Variants in TBC1D19 observed in about 807,000 individuals in gnomAD.
TBC1D19 encodes the protein TBC1 domain family, member 19.
In TBC1D19, 60 loss-of-function variants were observed where a neutral mutation model predicts 89.0. The observed-to-expected ratio is 0.67, with a 90% CI of 0.55 to 0.84. The LOEUF is 0.84. Among genes scored for constraint, TBC1D19 ranks in the 40% least tolerant of loss-of-function variants. The pLI, the probability that TBC1D19 is intolerant of heterozygous loss-of-function variation, is 0.00. For missense variants in TBC1D19, 500 were observed against 610.8 expected (o/e 0.82, Z 1.91); for synonymous variants, 189 against 199.7 (o/e 0.95, Z 0.45).
At chr4:26,819,749 C>T in the TBC1D19 span, among the ~76,000 whole-genome samples, 1 of 152,186 alleles carries the variant, frequency 6.6e-6, no homozygotes, top group Non-Finnish European at 1.5e-5. Context: ...TGAGGCCCTA[C>T]CCAGTATGGC....
intron 15 of TBC1D19, among the ~76,000 whole-genome samples, chr4:26,725,885 G>A (rs1717281125): frequency 6.6e-6 from 1 of 151,984 alleles, no homozygotes; most frequent in Admixed American, 6.6e-5. Flanking sequence ...GAATAAGTGA[G>A]GGAATAAATA....
chr4:26,691,555 C>T (rs186659129), intron 13 of TBC1D19, among the ~76,000 whole-genome samples: 271 of 152,284 alleles, frequency 1.8e-3, no homozygotes, highest in African/African-American at 6.2e-3. Flanking sequence ...AACAAGATTA[C>T]AGCCTGCTGA....
the TBC1D19 span, among the ~76,000 whole-genome samples, chr4:26,765,695 T>C: frequency 2.0e-5 from 3 of 152,102 alleles, no homozygotes; most frequent in African/African-American, 4.8e-5. Context: ...GGAAGCCTGA[T>C]ATGGTCTAAT....
chr4:26,796,299 C>A, the TBC1D19 span, among the ~76,000 whole-genome samples: 1 of 152,120 alleles, frequency 6.6e-6, no homozygotes, highest in Non-Finnish European at 1.5e-5. Flanking sequence ...TATGCTCTTA[C>A]CAGCAATGTG....
the TBC1D19 span, among the ~76,000 whole-genome samples, chr4:26,855,107 C>T: frequency 7.8e-3 from 1,191 of 152,276 alleles, 15 homozygotes; most frequent in African/African-American, 0.027. Flanking sequence ...TCCTTCTGTG[C>T]GTGGCTCATG....
chr4:26,659,854 A>G, intron 8 of TBC1D19, 147 bp downstream of exon 8: 1 of 468,164 alleles, frequency 2.1e-6, no homozygotes, highest in Non-Finnish European at 3.7e-6. Context: ...GCAAATATGT[A>G]TATAGAGAGA....
intron 7 of TBC1D19, among the ~76,000 whole-genome samples, chr4:26,651,923 G>A (rs1334383973): frequency 1.3e-5 from 2 of 152,122 alleles, no homozygotes; most frequent in South Asian, 2.1e-4. Flanking sequence ...TTAGCATGAA[G>A]TGTTGTTGAA....
chr4:26,612,660 A>G (rs916334474), intron 1 of TBC1D19, among the ~76,000 whole-genome samples: 1 of 152,104 alleles, frequency 6.6e-6, no homozygotes, highest in African/African-American at 2.4e-5. Context: ...TTGAAGATAA[A>G]ACACTAATAA....
At chr4:26,702,105 G>A (rs987915774) in intron 13 of TBC1D19, among the ~76,000 whole-genome samples, 49 of 152,198 alleles carry the variant, frequency 3.2e-4, no homozygotes, top group African/African-American at 1.1e-3. Context: ...AACAGAGTCA[G>A]TGAGGGCATC....
At chr4:26,674,489 G>C (rs1003271918) in intron 11 of TBC1D19, among the ~76,000 whole-genome samples, 19 of 151,970 alleles carry the variant, frequency 1.3e-4, no homozygotes, top group Admixed American at 1.0e-3. Context: ...TTTTGCTTAA[G>C]CCCATTAATC....
chr4:26,836,550 C>T, the TBC1D19 span, among the ~76,000 whole-genome samples: 4 of 152,190 alleles, frequency 2.6e-5, no homozygotes, highest in South Asian at 2.1e-4. Flanking sequence ...TGTAGAGGTA[C>T]GAACAGGTGT....
intron 20 of TBC1D19, among the ~76,000 whole-genome samples, chr4:26,754,449 T>G (rs1205821267): frequency 1.3e-5 from 2 of 152,206 alleles, no homozygotes; most frequent in Admixed American, 6.5e-5. Flanking sequence ...GCTGCCTGCA[T>G]TTTTGTTTAA....
intron 4 of TBC1D19, among the ~76,000 whole-genome samples, chr4:26,629,924 T>C (rs1267124860): frequency 1.3e-5 from 2 of 151,792 alleles, no homozygotes; most frequent in African/African-American, 4.8e-5. Flanking sequence ...TGGTTGTTTT[T>C]GTTTGATGTA....
intron 18 of TBC1D19, among the ~76,000 whole-genome samples, chr4:26,746,715 T>C (rs1319314623): frequency 6.6e-6 from 1 of 152,222 alleles, no homozygotes. Flanking sequence ...TCCCTATATA[T>C]GAATAACTAT....
In TBC1D19 at chr4:26,614,431, G is replaced by A. The variant is rs765335073; in HGVS notation, c.196G>A (p.Ala66Thr). Residue 66 changes from alanine to threonine, a missense_variant, in exon 3 of 21, where the codon GCT (alanine) becomes ACT (threonine). Ala to Thr is a moderately conservative substitution (Grantham distance 58). Transcript: ENST00000264866. ...ISGWEKKLQN[A>T]VYSELSVFPL... ...AGGTTGGGAGAAGAAACTTCAGAAT[G>A]CTGTTTATAGTGAACTGAGTGTGTG... 3 of 1,592,856 alleles carry A rather than the reference G, an allele frequency of 1.9e-6. No homozygotes were observed. The South Asian group carries it at 3.5e-5, about 19-fold the overall frequency.
At chr4:26,805,685 C>A in the TBC1D19 span, among the ~76,000 whole-genome samples, 4 of 152,232 alleles carry the variant, frequency 2.6e-5, no homozygotes, top group African/African-American at 9.6e-5. Flanking sequence ...CCATTCCCAG[C>A]CAGAGAGACT....
At chr4:26,756,326 TA>T (rs1351676823), downstream of TBC1D19, among the ~76,000 whole-genome samples, 4 of 152,218 alleles carry the variant, frequency 2.6e-5, no homozygotes, top group Non-Finnish European at 5.9e-5. Context: ...AGAAAATGGC[TA>T]AATATTAGGA....
Position 26,701,743 on chromosome 4 carries a change from A to AT in TBC1D19, c.954+13337dup, listed in dbSNP as rs530392511. On this transcript the variant is annotated intron_variant, in intron 13 of 20. Coordinates refer to ENST00000264866, the MANE Select transcript of TBC1D19 (RefSeq NM_018317.4). ...AGATTAGTTAATGTCACACAAAGAC[A>AT]TAAAAAAAACCCACATAAACTAAAT... Among the ~76,000 whole-genome samples, 815 of 151,454 alleles carry AT rather than the reference A, an allele frequency of 5.4e-3. 11 individuals are homozygous for AT. Among genetic ancestry groups the AT allele is most frequent in the African/African-American group, 0.019 (779 of 40,764 alleles).
chr4:26,820,692 A>G, the TBC1D19 span, among the ~76,000 whole-genome samples: 6 of 152,242 alleles, frequency 3.9e-5, no homozygotes, highest in Non-Finnish European at 7.3e-5. Flanking sequence ...GGATATATGC[A>G]CAGAAGTGGG....
Sources: gnomAD v4.1 joint callset for allele counts (sites outside exome capture counted in the v4.1 genomes callset) on GRCh38, gnomAD v4.1.1 for gene constraint, MANE v1.5 for transcripts, NCBI Gene and HGNC (gene_info 2026-07-23, HGNC 2026-07-21) for gene names.